Variants in CDC14A observed in about 807,000 individuals in gnomAD.
CDC14A encodes cell division cycle 14A, also known as dual specificity protein phosphatase CDC14A.
A neutral mutation model predicts 74.4 loss-of-function variants in CDC14A; 53 were observed. The observed-to-expected ratio is 0.71, with a 90% confidence interval of 0.57 to 0.89. The LOEUF (loss-of-function observed/expected upper bound fraction) is 0.89, where lower values mean the gene tolerates loss of function less well. CDC14A is among the 40% of genes least tolerant of loss of function. The pLI is 0.00. For synonymous variants in CDC14A, 247 were observed against 258.4 expected (o/e 0.96, Z 0.43); for missense variants, 646 against 713.7 (o/e 0.91, Z 1.08).
At chr1:100,350,915 C>A (rs78704631), upstream of CDC14A, among the ~76,000 whole-genome samples, 1 of 152,018 alleles carries the variant, frequency 6.6e-6, no homozygotes, top group African/African-American at 2.4e-5. Context: ...AATTTGAGGC[C>A]TGGCGCGGTG....
At chr1:100,387,822 GA>G (rs1260111900) in intron 3 of CDC14A, among the ~76,000 whole-genome samples, 1 of 151,806 alleles carries the variant, frequency 6.6e-6, no homozygotes, top group Non-Finnish European at 1.5e-5. Context: ...ATGCGAGAGA[GA>G]AAAAACGAAA....
chr1:100,420,054 A>C, intron 4 of CDC14A, among the ~76,000 whole-genome samples: 1 of 47,922 alleles, frequency 2.1e-5, no homozygotes, highest in Non-Finnish European at 7.3e-5. Context: ...ACACACACAC[A>C]CACACACACA....
intron 7 of CDC14A, among the ~76,000 whole-genome samples, chr1:100,451,074 C>T (rs1189293404): frequency 1.3e-5 from 2 of 152,212 alleles, no homozygotes; most frequent in African/African-American, 2.4e-5. Flanking sequence ...TTTGCCCACC[C>T]TGATTTGCTG....
intron 4 of CDC14A, among the ~76,000 whole-genome samples, chr1:100,406,930 T>TAA (rs1214895761): frequency 3.7e-5 from 4 of 108,670 alleles, no homozygotes; most frequent in Non-Finnish European, 4.1e-5. Flanking sequence ...CTGTCTCAAA[T>TAA]AAAAAAAAAA....
intron 15 of CDC14A, among the ~76,000 whole-genome samples, chr1:100,513,201 C>G (rs1443087625): frequency 1.3e-5 from 2 of 152,098 alleles, no homozygotes; most frequent in African/African-American, 4.8e-5. Context: ...AGTACAGAGG[C>G]AGTTATGGGT....
chr1:100,358,166 A>T (rs1363722608), intron 2 of CDC14A, among the ~76,000 whole-genome samples: 1 of 152,218 alleles, frequency 6.6e-6, no homozygotes, highest in Non-Finnish European at 1.5e-5. Context: ...TGGTACAAAA[A>T]TAGCTCCACA....
chr1:100,461,704 A>G (rs1189588134), intron 8 of CDC14A, among the ~76,000 whole-genome samples: 1 of 152,236 alleles, frequency 6.6e-6, no homozygotes, highest in African/African-American at 2.4e-5. Flanking sequence ...TACTCACATG[A>G]TGGTGGAGCC....
intron 11 of CDC14A, among the ~76,000 whole-genome samples, chr1:100,486,600 A>T (rs1266545386): frequency 6.6e-6 from 1 of 152,208 alleles, no homozygotes; most frequent in African/African-American, 2.4e-5. Flanking sequence ...GCATCTTCAC[A>T]TGGCAAAAAG....
intron 11 of CDC14A, among the ~76,000 whole-genome samples, chr1:100,488,539 A>G (rs1407697525): frequency 6.6e-6 from 1 of 152,222 alleles, no homozygotes; most frequent in Non-Finnish European, 1.5e-5. Context: ...ATTCCCTACT[A>G]ATAAACTTCT....
At chr1:100,391,124 AT>A in intron 4 of CDC14A, 1 of 395,254 alleles carries the variant, frequency 2.5e-6, no homozygotes, top group African/African-American at 2.1e-5. Context: ...GGAAAAAAAA[AT>A]GTGTGTGTGC....
At chr1:100,412,725 T>TTTTA (rs1553178980) in intron 4 of CDC14A, among the ~76,000 whole-genome samples, 2 of 82,958 alleles carry the variant, frequency 2.4e-5, no homozygotes, top group African/African-American at 1.8e-4. Context: ...TATATATATT[T>TTTTA]TATATATATA....
At chr1:100,468,712 C>G (rs183555798) in intron 10 of CDC14A, among the ~76,000 whole-genome samples, 12 of 152,242 alleles carry the variant, frequency 7.9e-5, no homozygotes, top group Non-Finnish European at 4.4e-5. Context: ...CAGCCTCAGC[C>G]CAAGAGAGAG....
chr1:100,494,743 T>C, intron 11 of CDC14A, 75 bp from the exon 12 acceptor site: 1 of 697,928 alleles, frequency 1.4e-6, no homozygotes, highest in Non-Finnish European at 2.6e-6. Flanking sequence ...AAAATGTATC[T>C]ATATATGTAG....
At chr1:100,410,264 A>G (rs778590080) in intron 4 of CDC14A, among the ~76,000 whole-genome samples, 31 of 152,220 alleles carry the variant, frequency 2.0e-4, no homozygotes, top group Non-Finnish European at 2.9e-5. Context: ...CCCAAGAAAC[A>G]TATCTTTGAA....
chr1:100,431,177 G>GT (rs1238831529), intron 5 of CDC14A, among the ~76,000 whole-genome samples: 1 of 152,216 alleles, frequency 6.6e-6, no homozygotes, highest in African/African-American at 2.4e-5. Context: ...AGAAACAAGT[G>GT]TAAGTGTCTC....
intron 4 of CDC14A, among the ~76,000 whole-genome samples, chr1:100,394,286 C>T (rs2100996863): frequency 6.6e-6 from 1 of 152,084 alleles, no homozygotes; most frequent in African/African-American, 2.4e-5. Context: ...CAGCTAATTT[C>T]ATTTTATTTT....
intron 11 of CDC14A, among the ~76,000 whole-genome samples, chr1:100,493,741 G>A (rs1647348848): frequency 6.6e-6 from 1 of 152,150 alleles, no homozygotes; most frequent in Non-Finnish European, 1.5e-5. Flanking sequence ...CTTTCCCACT[G>A]GCCTTGTGCT....
intron 8 of CDC14A, among the ~76,000 whole-genome samples, chr1:100,457,277 T>A (rs1313288460): frequency 1.3e-5 from 2 of 152,226 alleles, no homozygotes; most frequent in East Asian, 1.9e-4. Context: ...TGAAAAAAAT[T>A]TTTTTTTAAC....
chr1:100,516,551 C>T (rs1020718930), intron 15 of CDC14A, among the ~76,000 whole-genome samples: 1 of 152,098 alleles, frequency 6.6e-6, no homozygotes, highest in Non-Finnish European at 1.5e-5. Context: ...ACTAGCTGAG[C>T]TACACACACA....
Sources: allele counts gnomAD v4.1 joint callset (sites outside exome capture counted in the v4.1 genomes callset), GRCh38; gene constraint gnomAD v4.1.1; transcripts MANE v1.5; gene names NCBI Gene and HGNC (gene_info 2026-07-23, HGNC 2026-07-21).